GPHN: variants seen among roughly 807,000 people sequenced by gnomAD.
GPHN encodes the protein gephyrin.
Under a neutral mutation model 95.5 loss-of-function variants are expected in GPHN, and 17 were observed. That is an observed-to-expected ratio of 0.18 (90% confidence interval 0.12 to 0.27). The LOEUF (loss-of-function observed/expected upper bound fraction) is 0.27, where lower values mean the gene tolerates loss of function less well. GPHN is among the 10% of genes least tolerant of loss of function. The pLI is 1.00. For missense variants in GPHN, 660 were observed against 978.1 expected (o/e 0.67, Z 4.34); for synonymous variants, 320 against 322.5 (o/e 0.99, Z 0.08).
the GPHN span, among the ~76,000 whole-genome samples, chr14:67,704,049 C>A: frequency 6.6e-6 from 1 of 152,120 alleles, no homozygotes; most frequent in Non-Finnish European, 1.5e-5. Flanking sequence ...CTGTTGGATT[C>A]GTATTTTTAT....
chr14:66,694,000 A>G (rs2067955385), intron 2 of GPHN, among the ~76,000 whole-genome samples: 1 of 152,194 alleles, frequency 6.6e-6, no homozygotes, highest in Non-Finnish European at 1.5e-5. Context: ...CAAAATAGAC[A>G]AATAGATCAA....
intron 9 of GPHN, among the ~76,000 whole-genome samples, chr14:67,000,057 A>G (rs1284687379): frequency 2.6e-5 from 4 of 151,780 alleles, no homozygotes; most frequent in African/African-American, 9.7e-5. Flanking sequence ...CTAGACAGGG[A>G]CTGAAAATTG....
chr14:66,959,852 A>G (rs2068779750), intron 8 of GPHN, among the ~76,000 whole-genome samples: 1 of 151,936 alleles, frequency 6.6e-6, no homozygotes, highest in Admixed American at 6.6e-5. Flanking sequence ...TGGGACCACC[A>G]TTAATCATAT....
At chr14:67,305,285 C>T in the GPHN span, among the ~76,000 whole-genome samples, 5 of 151,828 alleles carry the variant, frequency 3.3e-5, no homozygotes, top group African/African-American at 9.7e-5. Context: ...GAAGTTAAGA[C>T]ATTTTTTTTT....
At chr14:67,325,314 T>C in the GPHN span, among the ~76,000 whole-genome samples, 2 of 152,202 alleles carry the variant, frequency 1.3e-5, no homozygotes, top group African/African-American at 4.8e-5. Flanking sequence ...TTAATCTATA[T>C]GTGAGGTTAA....
chr14:67,468,960 G>A, the GPHN span, among the ~76,000 whole-genome samples: 16 of 151,770 alleles, frequency 1.1e-4, no homozygotes, highest in East Asian at 1.5e-3. Context: ...CTTCTCGCTC[G>A]GGGACCTGCC....
At chr14:67,049,491 T>A (rs2075200394) in intron 10 of GPHN, among the ~76,000 whole-genome samples, 2 of 151,114 alleles carry the variant, frequency 1.3e-5, no homozygotes, top group Non-Finnish European at 2.9e-5. Context: ...GTTTGTAATT[T>A]ACAAAATAAG....
chr14:66,690,793 T>C (rs1047349336), intron 2 of GPHN, among the ~76,000 whole-genome samples: 29 of 152,324 alleles, frequency 1.9e-4, no homozygotes, highest in Admixed American at 1.5e-3. Context: ...TTTTTGTTTT[T>C]ATGTTTGTTT....
chr14:67,612,226 CA>C, the GPHN span, among the ~76,000 whole-genome samples: 2 of 152,194 alleles, frequency 1.3e-5, no homozygotes, highest in Non-Finnish European at 2.9e-5. Context: ...GTGAATGGCC[CA>C]GGGGTTGGGG....
intron 19 of GPHN, among the ~76,000 whole-genome samples, chr14:67,163,501 A>G (rs2082082173): frequency 6.6e-6 from 1 of 152,166 alleles, no homozygotes; most frequent in African/African-American, 2.4e-5. Context: ...AACAGAAACA[A>G]GAACTATAGA....
the GPHN span, among the ~76,000 whole-genome samples, chr14:67,657,598 G>GCACACACA: frequency 3.7e-4 from 42 of 112,424 alleles, no homozygotes; most frequent in East Asian, 9.7e-4. Flanking sequence ...GCGCGCGCGT[G>GCACACACA]CACACACACA....
intron 2 of GPHN, among the ~76,000 whole-genome samples, chr14:66,711,914 A>G (rs1341160046): frequency 1.3e-5 from 2 of 152,166 alleles, no homozygotes; most frequent in Non-Finnish European, 2.9e-5. Flanking sequence ...TGCAAAGGAC[A>G]TGAACTCATC....
intron 4 of GPHN, among the ~76,000 whole-genome samples, chr14:66,876,625 A>C (rs1567048454): frequency 6.6e-6 from 1 of 152,222 alleles, no homozygotes; most frequent in Admixed American, 6.5e-5. Context: ...ACCTCTATGC[A>C]AATAAACTAG....
At chr14:66,574,399 A>G (rs1027657457) in intron 1 of GPHN, among the ~76,000 whole-genome samples, 2 of 152,124 alleles carry the variant, frequency 1.3e-5, no homozygotes, top group African/African-American at 2.4e-5. Context: ...TGCTTTTCTT[A>G]TAACTTTCAT....
At chr14:67,061,549 T>G (rs1373307053) in intron 11 of GPHN, among the ~76,000 whole-genome samples, 1 of 152,202 alleles carries the variant, frequency 6.6e-6, no homozygotes, top group East Asian at 1.9e-4. Context: ...TGAAAGGCCC[T>G]TTATAATCTG....
chr14:67,209,590 C>T, the GPHN span, among the ~76,000 whole-genome samples: 40 of 151,976 alleles, frequency 2.6e-4, no homozygotes, highest in African/African-American at 8.9e-4. Flanking sequence ...GAGGCTGAGG[C>T]GGGCAGATCA....
At chr14:67,445,182 C>T in the GPHN span, among the ~76,000 whole-genome samples, 1 of 152,136 alleles carries the variant, frequency 6.6e-6, no homozygotes, top group Admixed American at 6.6e-5. Flanking sequence ...AAGCAGTGAT[C>T]ATAAGTAGAG....
At chr14:67,676,146 G>T in the GPHN span, among the ~76,000 whole-genome samples, 7 of 152,144 alleles carry the variant, frequency 4.6e-5, no homozygotes, top group African/African-American at 1.7e-4. Flanking sequence ...TTTGCTCAAG[G>T]TGTCTGTTCT....
At chr14:66,839,930 A>G (rs1282380498) in intron 4 of GPHN, among the ~76,000 whole-genome samples, 1 of 152,130 alleles carries the variant, frequency 6.6e-6, no homozygotes, top group Non-Finnish European at 1.5e-5. Context: ...AGATGAATGA[A>G]TATCACCCTC....
Sources: allele counts gnomAD v4.1 joint callset (sites outside exome capture counted in the v4.1 genomes callset), GRCh38; gene constraint gnomAD v4.1.1; transcripts MANE v1.5; gene names NCBI Gene and HGNC (gene_info 2026-07-23, HGNC 2026-07-21).